TEX9: variants seen among roughly 807,000 people sequenced by gnomAD.
The protein encoded by TEX9 is testis expressed 9, also known as testis-expressed protein 9.
In TEX9, 74 loss-of-function variants were observed where a neutral mutation model predicts 59.6. The ratio of observed to expected loss-of-function variants is 1.24; its 90% CI spans 1.03 to 1.51. The LOEUF is 1.51. TEX9 is among the 40% of genes most tolerant of loss of function. The probability of loss-of-function intolerance (pLI) is 0.00; values close to 1 mark genes in which losing one functional copy is unlikely to be tolerated. For synonymous variants in TEX9, 186 were observed against 152.2 expected, an observed-to-expected ratio of 1.22 and a Z score of -1.64; for missense variants, 522 against 447.8, an observed-to-expected ratio of 1.17 and a Z score of -1.49.
At chr15:56,453,079 A>T in the TEX9 span, among the ~76,000 whole-genome samples, 2 of 152,116 alleles carry the variant, frequency 1.3e-5, no homozygotes, top group Non-Finnish European at 2.9e-5. Flanking sequence ...ATATTACAGC[A>T]TGTTTCTTTG....
chr15:56,347,867 TA>T (rs1226152114), intron 1 of TEX9, among the ~76,000 whole-genome samples: 1 of 152,092 alleles, frequency 6.6e-6, no homozygotes, highest in Non-Finnish European at 1.5e-5. Flanking sequence ...CAACACTTTT[TA>T]TAAAGGATTA....
chr15:56,349,457 C>T (rs555450994), intron 1 of TEX9, among the ~76,000 whole-genome samples: 1 of 152,280 alleles, frequency 6.6e-6, no homozygotes, highest in Admixed American at 6.5e-5. Context: ...GCTCTCTTGT[C>T]TAGTTGCTCC....
intron 5 of TEX9, 112 bp from the exon 6 acceptor site, chr15:56,389,206 A>C: frequency 1.2e-6 from 1 of 801,428 alleles, no homozygotes; most frequent in East Asian, 2.7e-5. Flanking sequence ...ATTCCATGAA[A>C]ATAGCAAATA....
In TEX9 at chr15:56,376,986, C is replaced by T. The variant is rs1371929240; in HGVS notation, c.183+3482C>T. 1.3e-5 allele frequency among the ~76,000 whole-genome samples: 2 copies of T among 152,104 alleles called. 1 individual carries two copies. The highest frequency in any genetic ancestry group is 4.1e-4 in the South Asian group (2 of 4,828). On this transcript the variant is annotated intron_variant, in intron 3 of 12. Coordinates refer to ENST00000352903, the Ensembl canonical transcript of TEX9. ...TTCTGCATGTGGATATTCCGTTTTC[C>T]CAGCACCATTTATTGAAGAGACTGT...
At chr15:56,335,205 T>A (rs2046236069) in intron 1 of TEX9, among the ~76,000 whole-genome samples, 1 of 152,186 alleles carries the variant, frequency 6.6e-6, no homozygotes, top group South Asian at 2.1e-4. Context: ...CACTCTCATG[T>A]TTATTGCAGC....
At chr15:56,277,016 G>GT (rs139302311) in intron 1 of TEX9, among the ~76,000 whole-genome samples, 145 of 149,948 alleles carry the variant, frequency 9.7e-4, no homozygotes, top group African/African-American at 2.8e-3. Context: ...GGGGTTGTTT[G>GT]TTTTTTTTTT....
chr15:56,400,879 T>A (rs1244723728), intron 9 of TEX9, among the ~76,000 whole-genome samples: 1 of 152,140 alleles, frequency 6.6e-6, no homozygotes, highest in African/African-American at 2.4e-5. Flanking sequence ...CTAGCCAAAC[T>A]AAGCTTCATA....
intron 9 of TEX9, among the ~76,000 whole-genome samples, chr15:56,405,418 CTG>C (rs1340360810): frequency 1.3e-5 from 2 of 151,990 alleles, no homozygotes; most frequent in Non-Finnish European, 2.9e-5. Flanking sequence ...ACACCAAAGT[CTG>C]TGTTTTTTCA....
chr15:56,412,748 T>C (rs1160636784), intron 10 of TEX9, among the ~76,000 whole-genome samples: 6 of 152,148 alleles, frequency 3.9e-5, no homozygotes, highest in Non-Finnish European at 5.9e-5. Context: ...AAAAGTATCT[T>C]TTGTATCTCA....
chr15:56,309,160 G>C (rs1315350042), intron 1 of TEX9, among the ~76,000 whole-genome samples: 2 of 152,060 alleles, frequency 1.3e-5, no homozygotes, highest in Non-Finnish European at 2.9e-5. Context: ...AACAACATTA[G>C]GACGTTCATT....
chr15:56,429,702 T>A (rs2140309118), intron 12 of TEX9: 1 of 152,344 alleles, frequency 6.6e-6, no homozygotes, highest in African/African-American at 2.4e-5. Context: ...ATTTTTCTTT[T>A]CCCCTACAGT....
intron 1 of TEX9, among the ~76,000 whole-genome samples, chr15:56,277,416 T>C (rs190891466): frequency 2.0e-5 from 3 of 152,322 alleles, no homozygotes; most frequent in African/African-American, 7.2e-5. Context: ...CCCAGCACCA[T>C]TTATTAAGTA....
chr15:56,460,009 A>AAAAAAATATATAT, the TEX9 span, among the ~76,000 whole-genome samples: 13 of 26,382 alleles, frequency 4.9e-4, 1 homozygote, highest in East Asian at 2.3e-3. Flanking sequence ...AAAAAAAAAA[A>AAAAAAATATATAT]ATACATATAT....
intron 4 of TEX9, among the ~76,000 whole-genome samples, chr15:56,384,858 T>C (rs1192431157): frequency 6.6e-6 from 1 of 152,150 alleles, no homozygotes; most frequent in Non-Finnish European, 1.5e-5. Context: ...CAGTATGTCC[T>C]GTTAAAGAGA....
rs1193154874 is a variant in TEX9 at position 56,334,259 on chromosome 15, T to C, written c.-106-39182T>C. On this transcript the variant is annotated intron_variant, in intron 1 of 5. Coordinates refer to the TEX9 transcript ENST00000560827. Reference sequence around the variant, plus strand: ...AACTACACTACCTGACTTCAAATTATACTACAGAGCTATTGTAACCAAAAC... The same window carrying C: ...AACTACACTACCTGACTTCAAATTACACTACAGAGCTATTGTAACCAAAAC... Among the ~76,000 whole-genome samples, 4 of 152,168 alleles carry C rather than the reference T, an allele frequency of 2.6e-5. No homozygotes were observed. In the East Asian group the frequency reaches 7.7e-4, roughly 29 times the overall value.
At chr15:56,339,573 C>G (rs1443133546) in intron 1 of TEX9, among the ~76,000 whole-genome samples, 1 of 151,932 alleles carries the variant, frequency 6.6e-6, no homozygotes, top group Admixed American at 6.6e-5. Flanking sequence ...CTGTGTTAGT[C>G]TGCTGTAATA....
At position 56,377,090 on chromosome 15, in the gene TEX9, C is replaced by G. The variant is rs140304748; in HGVS notation, c.183+3586C>G. On this transcript the variant is annotated intron_variant, in intron 3 of 12. Transcript: ENST00000352903. The stretch of plus-strand genomic sequence containing the variant: ...GTATATGGATTTGTTTCTGGATTTT[C>G]TCTATTCTGTTCCATTGGTCTGTGT... Among the ~76,000 whole-genome samples, 61 of 152,164 alleles carry G rather than the reference C, an allele frequency of 4.0e-4. 1 individual carries two copies. Among genetic ancestry groups the G allele is most frequent in the African/African-American group, 1.2e-3 (48 of 41,532 alleles).
chr15:56,333,351 A>G (rs2046194807), intron 1 of TEX9, among the ~76,000 whole-genome samples: 1 of 152,132 alleles, frequency 6.6e-6, no homozygotes, highest in Non-Finnish European at 1.5e-5. Context: ...TGATGGAGGG[A>G]TGGTTCAACA....
At chr15:56,342,049 G>T (rs1019723195) in intron 1 of TEX9, among the ~76,000 whole-genome samples, 16 of 151,410 alleles carry the variant, frequency 1.1e-4, no homozygotes, top group Non-Finnish European at 1.9e-4. Flanking sequence ...TCAATTTCTT[G>T]CTAATCCCTT....
Sources: allele counts gnomAD v4.1 joint callset (sites outside exome capture counted in the v4.1 genomes callset), GRCh38; gene constraint gnomAD v4.1.1; transcripts MANE v1.5; gene names NCBI Gene and HGNC (gene_info 2026-07-23, HGNC 2026-07-21).